Variants in TSGA10 observed in about 807,000 individuals in gnomAD.
TSGA10 encodes the protein testis-specific gene 10 protein.
In TSGA10, 43 loss-of-function variants were observed where a neutral mutation model predicts 96.6. That is an observed-to-expected ratio of 0.44 (90% CI 0.35 to 0.57). The LOEUF (loss-of-function observed/expected upper bound fraction) is 0.57. TSGA10 is among the 20% of genes least tolerant of loss of function. The probability of loss-of-function intolerance (pLI) is 0.01; values close to 1 mark genes in which losing one functional copy is unlikely to be tolerated. For synonymous variants in TSGA10, 229 were observed against 269.9 expected (o/e 0.85, Z 1.48); for missense variants, 703 against 834.4 (o/e 0.84, Z 1.94).
rs758374278 is a variant in TSGA10, at chr2:99,018,545, C to A, written c.1913G>T (p.Arg638Leu). 7.4e-6 allele frequency: 12 copies of A among 1,612,688 alleles called. No individual in the cohort carries two copies. Among genetic ancestry groups the A allele is most frequent in the East Asian group, 2.2e-5 (1 of 44,858 alleles). ...ATAGAGATAAACTTACCTTTCAAAG[C>A]GCTCTGTTCCTAGTTGTCTTTTGGT... The part of the protein sequence containing the change: ...DITKRQLGTE[R>L]FERERAVQEL... The change falls in exon 19 of 21, where the codon CGC becomes CTC. Residue 638 changes from arginine to leucine, a missense_variant. This residue lies in a region of TSGA10 where 69 missense variants were observed against 81.3 expected (regional missense o/e 0.85). Transcript: ENST00000393483.
At chr2:99,121,466 A>AACTGAATTGT (rs1491316889) in intron 2 of TSGA10, among the ~76,000 whole-genome samples, 1 of 470 alleles carries the variant, frequency 2.1e-3, no homozygotes, top group Non-Finnish European at 4.1e-3. Flanking sequence ...ATATATATTC[A>AACTGAATTGT]TATATATATA....
chr2:99,104,603 T>A (rs1183304183), intron 9 of TSGA10, among the ~76,000 whole-genome samples: 2 of 152,032 alleles, frequency 1.3e-5, no homozygotes, highest in African/African-American at 2.4e-5. Context: ...GCCTCCCAAG[T>A]AGCTGGGACT....
chr2:99,098,359 A>T (rs1289912821), intron 10 of TSGA10, among the ~76,000 whole-genome samples: 2 of 150,992 alleles, frequency 1.3e-5, no homozygotes, highest in Non-Finnish European at 1.5e-5. Flanking sequence ...GAATGGCATG[A>T]ACTTGGGAGG....
Position 99,154,838 on chromosome 2 carries a change from T to C in TSGA10, c.-766A>G, listed in dbSNP as rs1305741209. 5.8e-6 allele frequency: 2 copies of C among 344,278 alleles called. No individual in the cohort carries two copies. The highest frequency in any genetic ancestry group is 4.2e-5 in the South Asian group (2 of 47,822). The allele number at this position is 344,278 out of a possible 1,614,324, so 21.3% of individuals were successfully genotyped here. ...GTTCCCGCCCTGAAGGACCCTTACT[T>C]AGCACTCCTGCGGGCTGCCGGGACC... On this transcript the variant is annotated 5_prime_UTR_variant, in exon 1 of 21. Transcript: ENST00000393483.
At chr2:99,082,009 G>A (rs1421857318) in intron 10 of TSGA10, among the ~76,000 whole-genome samples, 2 of 152,150 alleles carry the variant, frequency 1.3e-5, no homozygotes, top group East Asian at 1.9e-4. Flanking sequence ...TGGGAAAGCC[G>A]GACAAACTCC....
In TSGA10 at chr2:99,071,874, T is replaced by A; in HGVS notation, c.939A>T (p.Arg313Ser). 6.2e-7 allele frequency: 1 copy of A among 1,608,954 alleles called. No individual in the cohort carries two copies. Among genetic ancestry groups the A allele is most frequent in the African/African-American group, 1.3e-5 (1 of 74,688 alleles). ...ACACAATTAGGGCCTCAGTACACTG[T>A]CTATTCCACAAATCAAAGAGTACAT... ...NIIAEMEQASRQCTEALIVCE... is the reference protein window; with the variant it reads ...NIIAEMEQASSQCTEALIVCE... Residue 313 changes from arginine to serine, a missense_variant and splice_region_variant, in exon 14 of 21, where the codon AGA (arginine) becomes AGT (serine). Around this residue, in one of 3 missense-constraint regions of TSGA10, gnomAD observed 585 missense variants for 656.8 expected, o/e 0.89. Transcript: ENST00000393483.
At chr2:99,021,487 A>G (rs1215583156) in intron 17 of TSGA10, among the ~76,000 whole-genome samples, 1 of 152,210 alleles carries the variant, frequency 6.6e-6, no homozygotes, top group Non-Finnish European at 1.5e-5. Context: ...AAGGAGAAAT[A>G]CAAGTAAATT....
At chr2:99,072,708 C>T (rs1221492780) in intron 13 of TSGA10, among the ~76,000 whole-genome samples, 2 of 152,186 alleles carry the variant, frequency 1.3e-5, no homozygotes, top group Admixed American at 6.5e-5. Context: ...TATTTAGTCT[C>T]CTCCCTTCAC....
chr2:99,123,470 A>G (rs926365065), intron 2 of TSGA10, among the ~76,000 whole-genome samples: 1 of 151,984 alleles, frequency 6.6e-6, no homozygotes, highest in African/African-American at 2.4e-5. Flanking sequence ...CCTCCATTCT[A>G]TTGAGAACAT....
At chr2:99,088,172 G>A (rs538233086) in intron 10 of TSGA10, among the ~76,000 whole-genome samples, 1 of 152,286 alleles carries the variant, frequency 6.6e-6, no homozygotes, top group South Asian at 2.1e-4. Context: ...ATGAATCTAA[G>A]AGAGATGATA....
In TSGA10 at chr2:99,022,808, T is replaced by G. The variant is rs545254652; in HGVS notation, c.1615-2326A>C. On this transcript the variant is annotated intron_variant, in intron 17 of 20. Transcript: ENST00000393483. ...TACTATTTTACATTTCCACCAGCAA[T>G]GTATGAGGGTTTCACTTTTTCCACA... Among the ~76,000 whole-genome samples the G allele has an allele frequency of 2.0e-5, 3 of 152,320 alleles. No individual in the cohort carries two copies. In the East Asian group the frequency reaches 5.8e-4, roughly 29 times the overall value.
intron 10 of TSGA10, among the ~76,000 whole-genome samples, chr2:99,091,676 T>C (rs1177932605): frequency 6.6e-6 from 1 of 151,820 alleles, no homozygotes; most frequent in East Asian, 1.9e-4. Flanking sequence ...ACAAACAAAT[T>C]TGAAAACAAC....
intron 16 of TSGA10, among the ~76,000 whole-genome samples, chr2:99,046,891 A>G (rs1341074639): frequency 6.6e-6 from 1 of 152,154 alleles, no homozygotes; most frequent in African/African-American, 2.4e-5. Context: ...AAAAGGGGAT[A>G]TCACCACTGA....
intron 16 of TSGA10, among the ~76,000 whole-genome samples, chr2:99,062,959 C>G (rs2084863933): frequency 6.6e-6 from 1 of 152,078 alleles, no homozygotes; most frequent in Non-Finnish European, 1.5e-5. Context: ...TAATAAGGAC[C>G]AAGTACAGTC....
chr2:99,018,655 A>G lies in TSGA10; in HGVS notation c.1818-15T>C, dbSNP rs776788732. The G allele has an allele frequency of 2.5e-6, 4 of 1,599,140 alleles. No homozygotes were observed. The highest frequency in any genetic ancestry group is 3.4e-6 in the Non-Finnish European group (4 of 1,172,998). On this transcript the variant is annotated splice_polypyrimidine_tract_variant and intron_variant, in intron 18 of 20. Transcript: ENST00000393483. ...TCTGGATGGCCCTGTTTAAAAGAAGATAAGAGTTATAGTTGACTAAACTTA... is the reference window on the plus strand; with the variant it reads ...TCTGGATGGCCCTGTTTAAAAGAAGGTAAGAGTTATAGTTGACTAAACTTA...
intron 11 of TSGA10, among the ~76,000 whole-genome samples, chr2:99,080,862 A>C (rs2087375227): frequency 6.6e-6 from 1 of 152,160 alleles, no homozygotes; most frequent in Admixed American, 6.5e-5. Context: ...GTAATATCAT[A>C]GACATAACTA....
rs2089313167 is a variant in TSGA10 at position 99,091,391 on chromosome 2, C to T, written c.612-9994G>A. 2.0e-5 allele frequency among the ~76,000 whole-genome samples: 3 copies of T among 152,046 alleles called. No homozygotes were observed. The South Asian group carries it at 6.2e-4, about 31-fold the overall frequency. The stretch of plus-strand genomic sequence containing the variant: ...ACATACATGCATGCATGCATACATA[C>T]ATACATAAATACCAAGGTATTCAGG... On this transcript the variant is annotated intron_variant, in intron 10 of 20. Transcript: ENST00000393483.
chr2:99,114,927 A>C (rs1486990978), intron 4 of TSGA10, among the ~76,000 whole-genome samples: 1 of 152,180 alleles, frequency 6.6e-6, no homozygotes, highest in African/African-American at 2.4e-5. Context: ...AAAACTCTTC[A>C]ATATTGATAT....
chr2:99,121,624 A>G (rs199657039), intron 2 of TSGA10, among the ~76,000 whole-genome samples: 1 of 92,116 alleles, frequency 1.1e-5, no homozygotes, highest in Non-Finnish European at 2.6e-5. Context: ...GGCATGCACC[A>G]CCTGCCTAGA....
Sources: gnomAD v4.1 joint callset for allele counts (sites outside exome capture counted in the v4.1 genomes callset) on GRCh38, gnomAD v4.1.1 for gene constraint, gnomAD v4.1.1 regional missense constraint, MANE v1.5 for transcripts, NCBI Gene and HGNC (gene_info 2026-07-23, HGNC 2026-07-21) for gene names.